RUFY3: variants seen among roughly 807,000 people sequenced by gnomAD.
The protein encoded by RUFY3 is RUN and FYVE domain containing 3, also known as protein RUFY3.
Under a neutral mutation model 84.0 loss-of-function variants are expected in RUFY3, and 34 were observed. The observed-to-expected ratio is 0.40, with a 90% CI of 0.31 to 0.54. The LOEUF (loss-of-function observed/expected upper bound fraction) is 0.54. Ranked by LOEUF, RUFY3 falls within the 20% of genes least tolerant of loss-of-function variation. The pLI is 0.39. For synonymous variants in RUFY3, 242 were observed against 252.9 expected, an observed-to-expected ratio of 0.96 and a Z score of 0.41; for missense variants, 507 against 736.8, an observed-to-expected ratio of 0.69 and a Z score of 3.61.
chr4:70,738,885 G>A (rs1303793582), intron 1 of RUFY3, among the ~76,000 whole-genome samples: 1 of 151,852 alleles, frequency 6.6e-6, no homozygotes, highest in East Asian at 1.9e-4. Flanking sequence ...AGATCCTCCT[G>A]TTTCAGTCTG....
At chr4:70,705,108 G>C in exon 1 of RUFY3, 1 of 1,422,892 alleles carries the variant, frequency 7.0e-7, no homozygotes. Flanking sequence ...GTCGGAGCCC[G>C]ACTCGCCGGT....
chr4:70,722,845 ACT>A (rs1443992131), intron 1 of RUFY3, 94 bp downstream of exon 1: 4 of 1,217,932 alleles, frequency 3.3e-6, no homozygotes, highest in African/African-American at 1.5e-5. Flanking sequence ...AAGAACCTAC[ACT>A]CTCAACTGTT....
At chr4:70,714,828 A>G (rs1191904073) in intron 1 of RUFY3, among the ~76,000 whole-genome samples, 2 of 152,230 alleles carry the variant, frequency 1.3e-5, no homozygotes, top group Admixed American at 1.3e-4. Context: ...AAATTTCCCA[A>G]GGTCACCTAC....
In RUFY3 at chr4:70,806,748, T is replaced by C; in HGVS notation, c.*89T>C. ...GTCAGGATCTCATAGAGCCCAGTTC[T>C]TAGAGTCAACTAAAGAGTTGATAGG... On this transcript the variant is annotated 3_prime_UTR_variant, in exon 18 of 18. Coordinates refer to ENST00000381006, the MANE Select transcript of RUFY3 (RefSeq NM_001037442.4). The C allele has an allele frequency of 6.7e-7, 1 of 1,481,844 alleles. No homozygotes were observed. Among genetic ancestry groups the C allele is most frequent in the Non-Finnish European group, 9.2e-7 (1 of 1,085,758 alleles). 91.8% of individuals were successfully genotyped at this position (1,481,844 alleles called of 1,614,324 possible).
At chr4:70,719,355 C>G (rs1178079136), upstream of RUFY3, among the ~76,000 whole-genome samples, 1 of 152,230 alleles carries the variant, frequency 6.6e-6, no homozygotes, top group Non-Finnish European at 1.5e-5. Flanking sequence ...AAGTTTCTTG[C>G]TCACTAACCT....
chr4:70,771,191 G>T, intron 5 of RUFY3, among the ~76,000 whole-genome samples: 1 of 152,174 alleles, frequency 6.6e-6, no homozygotes, highest in African/African-American at 2.4e-5. Flanking sequence ...CATGAAGCGA[G>T]CACATGCTGT....
intron 4 of RUFY3, among the ~76,000 whole-genome samples, chr4:70,766,881 A>G (rs1275472242): frequency 6.6e-6 from 1 of 152,066 alleles, no homozygotes; most frequent in Admixed American, 6.5e-5. Flanking sequence ...TCTGTGCTCC[A>G]CCTATTCATC....
intron 4 of RUFY3, among the ~76,000 whole-genome samples, chr4:70,765,209 G>GTGTGTATATATATA (rs144995233): frequency 2.3e-3 from 311 of 137,206 alleles, no homozygotes; most frequent in African/African-American, 8.1e-3. Flanking sequence ...AAAAAAATGT[G>GTGTGTATATATATA]TATATATATA....
intron 14 of RUFY3, among the ~76,000 whole-genome samples, chr4:70,795,234 A>G (rs1731354067): frequency 6.6e-6 from 1 of 152,230 alleles, no homozygotes; most frequent in South Asian, 2.1e-4. Context: ...TTAATAAAAT[A>G]GTATAATAAT....
intron 5 of RUFY3, among the ~76,000 whole-genome samples, chr4:70,768,865 T>A (rs1164808995): frequency 6.6e-6 from 1 of 152,130 alleles, no homozygotes; most frequent in Non-Finnish European, 1.5e-5. Context: ...TTTTTTAGAT[T>A]CTTGTCTTGG....
At chr4:70,784,914 A>G in intron 10 of RUFY3, 35 bp downstream of exon 10, 3 of 1,462,392 alleles carry the variant, frequency 2.1e-6, no homozygotes, top group Non-Finnish European at 1.9e-6. Context: ...GTTCAGGAAT[A>G]TATTAAAAGG....
rs142420169 is a variant in RUFY3, at chr4:70,773,552, C to T, written c.738C>T (p.Asn246=). 1.3e-4 allele frequency: 205 copies of T among 1,611,058 alleles called. 1 individual carries two copies. The African/African-American group carries it at 2.4e-3, about 19-fold the overall frequency. The change falls in exon 6 of 18, where the codon AAC becomes AAT. Residue 246 remains asparagine (N), a synonymous_variant. Transcript: ENST00000381006. ...IDFSMYLKDG[N]SSKGTEGDGQ... is the part of the protein sequence containing the mutation. ...TTTCAATGTATCTCAAGGACGGGAA[C>T]AGCAGTAAAGGTACTGAAGGGTACG...
At chr4:70,738,899 A>C (rs1380003648) in intron 1 of RUFY3, among the ~76,000 whole-genome samples, 1 of 151,618 alleles carries the variant, frequency 6.6e-6, no homozygotes, top group African/African-American at 2.4e-5. Flanking sequence ...CAGTCTGTCA[A>C]GTAGCCTGGT....
chr4:70,729,935 GTT>G (rs11420754), intron 1 of RUFY3, among the ~76,000 whole-genome samples: 4 of 129,482 alleles, frequency 3.1e-5, no homozygotes, highest in Non-Finnish European at 4.8e-5. Context: ...TGTTTCTTTC[GTT>G]TTTTTTTTTT....
At chr4:70,729,706 T>G (rs1272375414) in intron 1 of RUFY3, among the ~76,000 whole-genome samples, 2 of 152,224 alleles carry the variant, frequency 1.3e-5, no homozygotes, top group African/African-American at 4.8e-5. Context: ...CACAGCAGTT[T>G]AAGCCGGATT....
At chr4:70,738,422 G>A (rs1207201338) in intron 1 of RUFY3, among the ~76,000 whole-genome samples, 1 of 144,124 alleles carries the variant, frequency 6.9e-6, no homozygotes, top group African/African-American at 2.6e-5. Flanking sequence ...GAGTGCAGTG[G>A]CACGATCTTG....
At chr4:70,773,706 G>C (rs1167246549) in intron 6 of RUFY3, 134 bp downstream of exon 6, 2 of 594,888 alleles carry the variant, frequency 3.4e-6, no homozygotes, top group African/African-American at 3.8e-5. Flanking sequence ...CTTTAATAAA[G>C]TCTTGCCAGA....
chr4:70,769,724 G>A (rs1726637897), intron 5 of RUFY3, among the ~76,000 whole-genome samples: 1 of 152,216 alleles, frequency 6.6e-6, no homozygotes, highest in South Asian at 2.1e-4. Context: ...AAATCTTGCT[G>A]CTGCTTTATC....
At chr4:70,734,580 G>A (rs1330811471) in intron 1 of RUFY3, 2 of 985,190 alleles carry the variant, frequency 2.0e-6, no homozygotes, top group Non-Finnish European at 2.4e-6. Context: ...AACCTGGCTA[G>A]TCACCCTTTC....
Sources: gnomAD v4.1 joint callset for allele counts (sites outside exome capture counted in the v4.1 genomes callset) on GRCh38, gnomAD v4.1.1 for gene constraint, MANE v1.5 for transcripts, NCBI Gene and HGNC (gene_info 2026-07-23, HGNC 2026-07-21) for gene names.